Variants in GNLY observed in about 807,000 individuals in gnomAD.
GNLY encodes granulysin, also known as T-cell activation protein 519.
A neutral mutation model predicts 18.5 loss-of-function variants in GNLY; 15 were observed. That is an observed-to-expected ratio of 0.81 (90% confidence interval 0.54 to 1.25). The LOEUF (loss-of-function observed/expected upper bound fraction) is 1.25, where lower values mean the gene tolerates loss of function less well. Among genes scored for constraint, GNLY ranks in the 50% most tolerant of loss-of-function variants. The pLI is 0.00. For synonymous variants in GNLY, 77 were observed against 74.9 expected (o/e 1.03, Z -0.14); for missense variants, 178 against 186.9 (o/e 0.95, Z 0.28).
rs951754792 is a variant in GNLY, at chr2:85,696,425, T to G, written c.255+369T>G. The G allele has an allele frequency of 2.6e-5, 5 of 192,904 alleles. No homozygotes were observed. The South Asian group carries it at 6.7e-4, about 26-fold the overall frequency. The allele number at this position is 192,904 out of a possible 1,614,324, so 11.9% of individuals were successfully genotyped here. On this transcript the variant is annotated intron_variant, in intron 3 of 4. Coordinates refer to ENST00000263863, the MANE Select transcript of GNLY (RefSeq NM_006433.5). ...GGTCAGGACTGATAAATCCCAGATC[T>G]GCTACTTCCAAGCTGCATGGCCTTG...
At position 85,698,754 on chromosome 2, in the gene GNLY, C is replaced by A. The variant is rs768738640; in HGVS notation, c.*180C>A. The A allele has an allele frequency of 1.2e-5, 18 of 1,523,656 alleles. No homozygotes were observed. Among genetic ancestry groups the A allele is most frequent in the South Asian group, 8.5e-5 (7 of 82,832 alleles). The allele number at this position is 1,523,656 out of a possible 1,614,324, so 94.4% of individuals were successfully genotyped here. The stretch of plus-strand genomic sequence containing the variant: ...AATAAAGTGTCAAGCAAGATTTTAG[C>A]CGCAGCTGCTTCTTCTTTGGTGGAT... On this transcript the variant is annotated 3_prime_UTR_variant, in exon 5 of 5. Transcript: ENST00000263863.
intron 3 of GNLY, 122 bp downstream of exon 3, chr2:85,696,178 T>TA: frequency 1.6e-6 from 1 of 618,598 alleles, no homozygotes; most frequent in Admixed American, 2.9e-5. Context: ...GAGGGCTTCC[T>TA]AGAAGGGAAT....
intron 1 of GNLY, 141 bp downstream of exon 1, chr2:85,694,611 G>GA: frequency 1.0e-6 from 1 of 987,302 alleles, no homozygotes; most frequent in Non-Finnish European, 1.5e-6. Context: ...TGGAGGCCTG[G>GA]CCTCCCCTCA....
At chr2:85,696,607 T>C (rs1366625546) in intron 3 of GNLY, 2 of 152,934 alleles carry the variant, frequency 1.3e-5, no homozygotes, top group African/African-American at 4.8e-5. Context: ...TGGTGTGATC[T>C]TGGCTCACTG....
intron 3 of GNLY, 140 bp downstream of exon 3, chr2:85,696,196 T>A: frequency 1.7e-6 from 1 of 605,302 alleles, no homozygotes; most frequent in East Asian, 2.8e-5. Context: ...AATCTGTGAG[T>A]CCCCGTGTGT....
In GNLY at chr2:85,694,681, A is replaced by G; in HGVS notation, c.52+211A>G. The G allele has an allele frequency of 6.9e-6, 9 of 1,301,504 alleles. No homozygotes were observed. The South Asian group carries it at 1.2e-4, about 17-fold the overall frequency. 80.6% of individuals were successfully genotyped at this position (1,301,504 alleles called of 1,614,324 possible). A position where few individuals can be genotyped will look rare whatever the true frequency, so the allele number is the denominator to read the frequency against. ...TCACTGGCCTGGCCAAGGAGGAGAG[A>G]CAGGCCAGGGATTCTGGTCCTAACT... On this transcript the variant is annotated intron_variant, in intron 1 of 4. Transcript: ENST00000263863.
chr2:85,696,134 G>T, intron 3 of GNLY, 78 bp downstream of exon 3: 1 of 780,194 alleles, frequency 1.3e-6, no homozygotes, highest in Non-Finnish European at 2.2e-6. Flanking sequence ...GGGGATCGGG[G>T]AGCCCGGGGG....
chr2:85,695,501 G>A, intron 2 of GNLY, 78 bp downstream of exon 2: 1 of 833,932 alleles, frequency 1.2e-6, no homozygotes, highest in Non-Finnish European at 2.0e-6. Flanking sequence ...GGTGAGGTCT[G>A]GAGCTCTCTA....
rs1461288034 is a variant in GNLY at position 85,696,008 on chromosome 2, T to C, written c.207T>C (p.Cys69=). The change falls in exon 3 of 5, where the codon TGT becomes TGC. Residue 69 remains cysteine, a synonymous_variant. Transcript: ENST00000263863. The part of the protein sequence containing the change: ...TQELGRDYRT[C]LTIVQKLKKM... ...AGCTGGGCCGTGACTACAGGACCTGTCTGACGATAGTCCAAAAACTGAAGA... is the reference window on the plus strand; with the variant it reads ...AGCTGGGCCGTGACTACAGGACCTGCCTGACGATAGTCCAAAAACTGAAGA... 9 of 1,612,806 alleles carry C rather than the reference T, an allele frequency of 5.6e-6. No individual in the cohort carries two copies. In the East Asian group the frequency reaches 2.0e-4, roughly 36 times the overall value.
intron 3 of GNLY, 36 bp downstream of exon 3, chr2:85,696,092 G>A (rs1478618869): frequency 8.4e-6 from 10 of 1,193,158 alleles, no homozygotes; most frequent in African/African-American, 1.5e-5. Context: ...CCTGTCTGCT[G>A]CTCAATGGAG....
intron 3 of GNLY, chr2:85,697,035 T>G (rs1271910160): frequency 6.1e-6 from 1 of 163,646 alleles, no homozygotes; most frequent in Non-Finnish European, 1.3e-5. Context: ...CCCAGATTCA[T>G]CCTCCTCCCC....
chr2:85,698,742 G>A lies in GNLY; in HGVS notation c.*168G>A, dbSNP rs762960463. 7.2e-6 allele frequency: 11 copies of A among 1,535,268 alleles called. No individual in the cohort carries two copies. The highest frequency in any genetic ancestry group is 8.7e-6 in the Non-Finnish European group (10 of 1,144,028). ...CCCTCTCACGAGAATAAAGTGTCAA[G>A]CAAGATTTTAGCCGCAGCTGCTTCT... On this transcript the variant is annotated 3_prime_UTR_variant, in exon 5 of 5. Transcript: ENST00000263863.
chr2:85,697,218 G>A (rs1210548755), intron 3 of GNLY: 1 of 380,464 alleles, frequency 2.6e-6, no homozygotes, highest in African/African-American at 2.1e-5. Flanking sequence ...GGCAGCCATG[G>A]GCACCATTCT....
At chr2:85,695,486 C>G in intron 2 of GNLY, 63 bp downstream of exon 2, 1 of 995,654 alleles carries the variant, frequency 1.0e-6, no homozygotes, top group Non-Finnish European at 1.6e-6. Flanking sequence ...CCTGGTGGCT[C>G]CTGGGGTGAG....
rs747407949 is a variant in GNLY at position 85,695,012 on chromosome 2, C to T, written c.53-308C>T. The T allele has an allele frequency of 1.1e-5, 17 of 1,583,982 alleles. No homozygotes were observed. The South Asian group carries it at 1.7e-4, about 16-fold the overall frequency. ...TGGATGGAAGGTAAAAAAAGAAAAT[C>T]CCTTGAAAGGAGATTGAGGGAAGTT... On this transcript the variant is annotated intron_variant, in intron 1 of 4. Transcript: ENST00000263863.
intron 4 of GNLY, 162 bp from the exon 5 acceptor site, chr2:85,698,402 C>T (rs1385833551): frequency 1.7e-6 from 2 of 1,178,366 alleles, no homozygotes; most frequent in Middle Eastern, 1.9e-4. Context: ...TTCAAGGCCC[C>T]ACAACCTGCT....
intron 2 of GNLY, 31 bp from the exon 3 acceptor site, chr2:85,695,927 A>G (rs1678427260): frequency 7.7e-7 from 1 of 1,306,874 alleles, no homozygotes; most frequent in Non-Finnish European, 1.1e-6. Flanking sequence ...AGTGTCTGAG[A>G]GACCATCATA....
rs1573495009 is a variant in GNLY at position 85,697,106 on chromosome 2, C to T, written c.256-400C>T. 1.8e-5 allele frequency: 3 copies of T among 166,532 alleles called. No homozygotes were observed. The East Asian group carries it at 5.9e-4, about 33-fold the overall frequency. The allele number at this position is 166,532 out of a possible 1,614,324, so 10.3% of individuals were successfully genotyped here. Reference sequence around the variant, plus strand: ...GCCAAGACTCCAAGCTCTGACCACACCTCCCACCCCACCAGTCTTCTCTAT... The same window carrying T: ...GCCAAGACTCCAAGCTCTGACCACATCTCCCACCCCACCAGTCTTCTCTAT... On this transcript the variant is annotated intron_variant, in intron 3 of 4. Coordinates refer to ENST00000263863, the MANE Select transcript of GNLY (RefSeq NM_006433.5).
In GNLY at chr2:85,697,525, C is replaced by T. The variant is rs778757101; in HGVS notation, c.275C>T (p.Ala92Val). Residue 92 changes from alanine to valine, a missense_variant, in exon 4 of 5, where the codon GCG becomes GTG. By Grantham distance (64) the Ala-to-Val change is moderately conservative. Transcript: ENST00000263863. ...KPTQRSVSNAATRVCRTGRSR... is the reference protein window; with the variant it reads ...KPTQRSVSNAVTRVCRTGRSR... ...CTGCAGAGAAGTGTTTCCAATGCTG[C>T]GACCCGGGTGTGTAGGACGGGGAGG... 8.1e-6 allele frequency: 13 copies of T among 1,612,394 alleles called. No individual in the cohort carries two copies. Among genetic ancestry groups the T allele is most frequent in the African/African-American group, 1.3e-5 (1 of 74,868 alleles).
Sources: gnomAD v4.1 joint callset for allele counts on GRCh38, gnomAD v4.1.1 for gene constraint, MANE v1.5 for transcripts, NCBI Gene and HGNC (gene_info 2026-07-23, HGNC 2026-07-21) for gene names.